RASGEF1A: variants seen among roughly 807,000 people sequenced by gnomAD.
RASGEF1A encodes ras-GEF domain-containing family member 1A.
A neutral mutation model predicts 56.4 loss-of-function variants in RASGEF1A; 18 were observed. The ratio of observed to expected loss-of-function variants is 0.32; its 90% CI spans 0.22 to 0.47. The LOEUF (loss-of-function observed/expected upper bound fraction) is 0.47, where lower values mean the gene tolerates loss of function less well. RASGEF1A is among the 20% of genes least tolerant of loss of function. The probability of loss-of-function intolerance (pLI) is 1.00; values close to 1 mark genes in which losing one functional copy is unlikely to be tolerated. For missense variants in RASGEF1A, 422 were observed against 627.1 expected (o/e 0.67, Z 3.49); for synonymous variants, 245 against 242.6 (o/e 1.01, Z -0.09).
rs368536671 is a variant in RASGEF1A, at chr10:43,196,311, C to A, written c.1422-43G>T. On this transcript the variant is annotated intron_variant, in intron 12 of 12. Transcript: ENST00000395810. The surrounding 1 kb of genome is among the most constrained non-coding windows in gnomAD (Gnocchi z 4.6). The stretch of plus-strand genomic sequence containing the variant: ...AAGCAGTGCTCAGGCCCGAGCAGGG[C>A]GGCTTGGGTCCAAGCCATCCTCAGC... The A allele has an allele frequency of 1.9e-6, 3 of 1,609,590 alleles. No homozygotes were observed. The East Asian group carries it at 6.7e-5, about 36-fold the overall frequency.
chr10:43,262,402 C>T (rs1004025978), intron 1 of RASGEF1A, among the ~76,000 whole-genome samples: 15 of 152,090 alleles, frequency 9.9e-5, no homozygotes, highest in Non-Finnish European at 2.1e-4. Context: ...CCCCAGGATT[C>T]CTTCCTGGTC....
chr10:43,251,331 C>T (rs1588951036), intron 1 of RASGEF1A, among the ~76,000 whole-genome samples: 2 of 152,198 alleles, frequency 1.3e-5, no homozygotes, highest in East Asian at 3.9e-4. Flanking sequence ...GGACTGTGTG[C>T]TTCCCATCTG....
intron 1 of RASGEF1A, among the ~76,000 whole-genome samples, chr10:43,243,338 C>G (rs1697561738): frequency 6.6e-6 from 1 of 151,612 alleles, no homozygotes; most frequent in Non-Finnish European, 1.5e-5. Context: ...TGCCCGGCCG[C>G]CCCATCTGGG....
rs376128525 is a variant in RASGEF1A, at chr10:43,199,657, G to A, written c.849+19C>T. On this transcript the variant is annotated intron_variant, in intron 7 of 12. Transcript: ENST00000395810. ...GTGGGCATGGCAGCCACCCCACCAT[G>A]TCTGCCATGGGCACTTACCCGGCAC... The A allele has an allele frequency of 7.1e-4, 1,140 of 1,607,514 alleles. 20 individuals carry two copies. The South Asian group carries it at 0.012, about 17-fold the overall frequency.
intron 1 of RASGEF1A, among the ~76,000 whole-genome samples, chr10:43,256,561 C>T (rs1288830171): frequency 6.6e-6 from 1 of 152,158 alleles, no homozygotes; most frequent in African/African-American, 2.4e-5. Context: ...GATCCCTGCC[C>T]ACATTGTAAT....
intron 1 of RASGEF1A, among the ~76,000 whole-genome samples, chr10:43,252,295 G>C (rs894664937): frequency 6.6e-6 from 1 of 152,174 alleles, no homozygotes; most frequent in Admixed American, 6.5e-5. Flanking sequence ...ACACAGAGCA[G>C]TGCACCCCAG....
At position 43,216,581 on chromosome 10, in the gene RASGEF1A, G is replaced by GC. The variant is rs35820597; in HGVS notation, c.-6-10460dup. 6.6e-5 allele frequency among the ~76,000 whole-genome samples: 10 copies of GC among 152,302 alleles called. No individual in the cohort carries two copies. The South Asian group carries it at 2.1e-3, about 32-fold the overall frequency. On this transcript the variant is annotated intron_variant, in intron 1 of 12. Coordinates refer to ENST00000395810, the MANE Select transcript of RASGEF1A (RefSeq NM_145313.4). ...GGCCCTTTGCCTTAGTGAGGATTTT[G>GC]CCCCCCTCCTGGATAGTAGACAGTG...
intron 1 of RASGEF1A, among the ~76,000 whole-genome samples, chr10:43,257,162 C>A (rs1314696566): frequency 6.6e-6 from 1 of 152,224 alleles, no homozygotes; most frequent in African/African-American, 2.4e-5. Context: ...CAGCACCTTG[C>A]AGAATCCCTC....
At chr10:43,264,716 C>T (rs567420925) in intron 1 of RASGEF1A, among the ~76,000 whole-genome samples, 3 of 152,024 alleles carry the variant, frequency 2.0e-5, no homozygotes, top group Admixed American at 1.3e-4. Flanking sequence ...GTCTCCTCCC[C>T]ATCTGCTATC....
At chr10:43,213,038 GA>G (rs926622938) in intron 1 of RASGEF1A, among the ~76,000 whole-genome samples, 1 of 152,186 alleles carries the variant, frequency 6.6e-6, no homozygotes, top group African/African-American at 2.4e-5. Context: ...GGTGGGAGCT[GA>G]AAACCTTGCT....
chr10:43,200,614 GCACTGTGGTCC>G, intron 5 of RASGEF1A, 42 bp downstream of exon 5: 1 of 1,501,764 alleles, frequency 6.7e-7, no homozygotes, highest in South Asian at 1.2e-5. Context: ...GCTGAAAGAG[GCACTGTGGTCC>G]CACAGCCCCC....
At chr10:43,214,194 G>C (rs912385357) in intron 1 of RASGEF1A, among the ~76,000 whole-genome samples, 1 of 152,210 alleles carries the variant, frequency 6.6e-6, no homozygotes, top group Non-Finnish European at 1.5e-5. Context: ...GCAGCTCTGA[G>C]CCCAAGCCTG....
Position 43,196,947 on chromosome 10 carries a change from G to A in RASGEF1A, c.1348+29C>T, listed in dbSNP as rs201386713. The A allele has an allele frequency of 2.5e-6, 4 of 1,609,864 alleles. No individual in the cohort carries two copies. Among genetic ancestry groups the A allele is most frequent in the African/African-American group, 1.3e-5 (1 of 74,868 alleles). ...GGACAAGGAGTCAGGTGGGGTGGGA[G>A]GCATGCTGCGTTGGGAGGCAGCCCT... On this transcript the variant is annotated intron_variant, in intron 11 of 12. Coordinates refer to ENST00000395810, the MANE Select transcript of RASGEF1A (RefSeq NM_145313.4). This position sits in a 1 kb window ranked among gnomAD's most constrained non-coding sequence, Gnocchi z 4.6.
chr10:43,234,790 A>C (rs576677085), intron 1 of RASGEF1A, among the ~76,000 whole-genome samples: 1 of 152,346 alleles, frequency 6.6e-6, no homozygotes, highest in South Asian at 2.1e-4. Context: ...CTGGCAAAAC[A>C]CGAAGCAAAA....
intron 2 of RASGEF1A, 145 bp from the exon 3 acceptor site, chr10:43,203,565 G>T: frequency 7.5e-7 from 1 of 1,333,762 alleles, no homozygotes; most frequent in Non-Finnish European, 9.9e-7. Flanking sequence ...GGTTCCCTTC[G>T]CCTTGCAGGC....
intron 1 of RASGEF1A, chr10:43,229,672 C>A: frequency 1.3e-6 from 2 of 1,489,566 alleles, no homozygotes; most frequent in Non-Finnish European, 1.8e-6. Flanking sequence ...GCCGGCTCCC[C>A]GCGCCGTCCT....
chr10:43,255,285 C>T (rs891180660), intron 1 of RASGEF1A, among the ~76,000 whole-genome samples: 4 of 152,208 alleles, frequency 2.6e-5, no homozygotes, highest in Non-Finnish European at 5.9e-5. Flanking sequence ...CAGCCCTGCC[C>T]GCCTAGGCTG....
chr10:43,254,467 C>A (rs1840664912), intron 1 of RASGEF1A, among the ~76,000 whole-genome samples: 1 of 152,244 alleles, frequency 6.6e-6, no homozygotes, highest in Admixed American at 6.5e-5. Context: ...GGGCTGTGCT[C>A]TTCCTGCTGG....
At chr10:43,230,083 C>CGTA (rs1840344039) in intron 1 of RASGEF1A, among the ~76,000 whole-genome samples, 1 of 152,036 alleles carries the variant, frequency 6.6e-6, no homozygotes, top group Non-Finnish European at 1.5e-5. Context: ...GGCGAGGGGG[C>CGTA]GCAGCGTGGG....
Sources: gnomAD v4.1 joint callset for allele counts (sites outside exome capture counted in the v4.1 genomes callset) on GRCh38, gnomAD v4.1.1 for gene constraint, Gnocchi (gnomAD v3.1) non-coding constraint, MANE v1.5 for transcripts, NCBI Gene and HGNC (gene_info 2026-07-23, HGNC 2026-07-21) for gene names.